Variants in ATP8B1 observed in about 807,000 individuals in gnomAD.
The protein encoded by ATP8B1 is ATPase phospholipid transporting 8B1.
Under a neutral mutation model 149.9 loss-of-function variants are expected in ATP8B1, and 80 were observed. That is an observed-to-expected ratio of 0.53 (90% CI 0.45 to 0.64). ATP8B1 has a LOEUF of 0.64. Ranked by LOEUF, ATP8B1 falls within the 30% of genes least tolerant of loss-of-function variation. The probability of loss-of-function intolerance (pLI) is 0.00; values close to 1 mark genes in which losing one functional copy is unlikely to be tolerated. For missense variants in ATP8B1, 1,247 were observed against 1,552.6 expected, an observed-to-expected ratio of 0.80 and a Z score of 3.31; for synonymous variants, 536 against 562.8, an observed-to-expected ratio of 0.95 and a Z score of 0.67.
chr18:57,795,748 T>C (rs2080509146), intron 1 of ATP8B1, among the ~76,000 whole-genome samples: 1 of 152,144 alleles, frequency 6.6e-6, no homozygotes, highest in South Asian at 2.1e-4. Context: ...TAGTTTCTAT[T>C]TGAGATGATA....
chr18:57,773,141 G>A (rs2080277363), intron 1 of ATP8B1, among the ~76,000 whole-genome samples: 2 of 148,198 alleles, frequency 1.3e-5, no homozygotes, highest in East Asian at 2.0e-4. Flanking sequence ...GGCAGAGGAC[G>A]CAGTGAGCCA....
At chr18:57,692,687 A>G (rs1912602248) in intron 11 of ATP8B1, among the ~76,000 whole-genome samples, 1 of 152,090 alleles carries the variant, frequency 6.6e-6, no homozygotes, top group African/African-American at 2.4e-5. Context: ...TGCATGCCTC[A>G]GTCTCCCAAA....
chr18:57,658,689 A>G lies in ATP8B1; in HGVS notation c.2707+2485T>C, dbSNP rs186814098. Among the ~76,000 whole-genome samples, 1,234 of 149,184 alleles carry G rather than the reference A, an allele frequency of 8.3e-3. 17 individuals carry two copies. The highest frequency in any genetic ancestry group is 0.039 in the Admixed American group (588 of 14,926). Reference sequence around the variant, plus strand: ...TGTGTTCTTTTTTGTTGTTGGAGAAAGGGTCTTGCTCTGTCACCCAGGGTG... The same window carrying G: ...TGTGTTCTTTTTTGTTGTTGGAGAAGGGGTCTTGCTCTGTCACCCAGGGTG... On this transcript the variant is annotated intron_variant, in intron 22 of 27. Transcript: ENST00000648908.
At chr18:57,761,015 CATAAAATAACATAAAATAAAATAAATAAA>C (rs2080146517) in intron 1 of ATP8B1, among the ~76,000 whole-genome samples, 1 of 114,028 alleles carries the variant, frequency 8.8e-6, no homozygotes, top group Non-Finnish European at 1.8e-5. Context: ...AATAAAATAA[CATAAAATAACATAAAATAAAATAAATAAA>C]ATAAAATAAC....
At chr18:57,718,686 A>C (rs904346512) in intron 2 of ATP8B1, among the ~76,000 whole-genome samples, 1 of 152,238 alleles carries the variant, frequency 6.6e-6, no homozygotes, top group Non-Finnish European at 1.5e-5. Context: ...ATCAAGTGGG[A>C]TTTATCCCAG....
intron 2 of ATP8B1, among the ~76,000 whole-genome samples, chr18:57,719,974 C>A (rs1419450384): frequency 6.6e-6 from 1 of 152,028 alleles, no homozygotes; most frequent in Non-Finnish European, 1.5e-5. Flanking sequence ...AGGCACCCCC[C>A]AGCAGGGGCA....
intron 1 of ATP8B1, chr18:57,737,032 G>C (rs2079863916): frequency 6.6e-6 from 1 of 151,824 alleles, no homozygotes; most frequent in African/African-American, 2.4e-5. Context: ...TTTTCTCATT[G>C]CAGCCTCCTG....
At chr18:57,660,094 A>C (rs1013138466) in intron 22 of ATP8B1, among the ~76,000 whole-genome samples, 3 of 152,174 alleles carry the variant, frequency 2.0e-5, no homozygotes, top group African/African-American at 7.2e-5. Flanking sequence ...TAGTTTGAGT[A>C]TTTTTAATAC....
intron 14 of ATP8B1, among the ~76,000 whole-genome samples, chr18:57,684,491 G>A (rs1912136543): frequency 6.6e-6 from 1 of 151,972 alleles, no homozygotes; most frequent in Non-Finnish European, 1.5e-5. Flanking sequence ...ATCCTTCTGA[G>A]TAGATGGGCC....
At chr18:57,649,594 GC>G (rs1022070889) in intron 27 of ATP8B1, among the ~76,000 whole-genome samples, 3 of 151,450 alleles carry the variant, frequency 2.0e-5, no homozygotes, top group East Asian at 1.9e-4. Flanking sequence ...TATTCAGATT[GC>G]CCCCCCCAAC....
chr18:57,654,782 G>C (rs1054060083), intron 23 of ATP8B1, among the ~76,000 whole-genome samples: 1 of 148,602 alleles, frequency 6.7e-6, no homozygotes, highest in Non-Finnish European at 1.5e-5. Flanking sequence ...TGCCTCCCAG[G>C]TTCAAGCGAT....
At chr18:57,754,878 G>A (rs542822588) in intron 1 of ATP8B1, among the ~76,000 whole-genome samples, 1 of 152,158 alleles carries the variant, frequency 6.6e-6, no homozygotes, top group Non-Finnish European at 1.5e-5. Context: ...AGCCTGGGGT[G>A]TATCCATTAC....
chr18:57,772,591 A>AG (rs2080272379), intron 1 of ATP8B1, among the ~76,000 whole-genome samples: 1 of 152,146 alleles, frequency 6.6e-6, no homozygotes, highest in African/African-American at 2.4e-5. Context: ...AAGCAGGGAG[A>AG]GGCCATCTGA....
In ATP8B1 at chr18:57,648,485, G is replaced by A. The variant is rs771193328; in HGVS notation, c.*3C>T. On this transcript the variant is annotated 3_prime_UTR_variant, in exon 28 of 28. Transcript: ENST00000648908. ...GGCCGCATCCCAGCCTGGGGGTAAG[G>A]GATCAGCTGTCCCCGGTGCGCCTGT... The A allele has an allele frequency of 1.9e-6, 3 of 1,611,136 alleles. No individual in the cohort carries two copies. The highest frequency in any genetic ancestry group is 3.3e-5 in the Admixed American group (2 of 60,028).
At chr18:57,718,962 A>G (rs934459980) in intron 2 of ATP8B1, among the ~76,000 whole-genome samples, 11 of 152,226 alleles carry the variant, frequency 7.2e-5, no homozygotes, top group Admixed American at 2.0e-4. Flanking sequence ...TAGATCTGGA[A>G]CATGTCAAGG....
intron 1 of ATP8B1, among the ~76,000 whole-genome samples, chr18:57,781,976 G>A (rs2136443): frequency 0.097 from 14,774 of 152,188 alleles, 818 homozygotes; most frequent in Middle Eastern, 0.25. Flanking sequence ...GCAACAGAGC[G>A]AGAACCCATC....
At chr18:57,713,171 C>A (rs1480026714) in intron 2 of ATP8B1, among the ~76,000 whole-genome samples, 1 of 72,824 alleles carries the variant, frequency 1.4e-5, no homozygotes, top group Non-Finnish European at 2.7e-5. Flanking sequence ...TTCTTTCTTT[C>A]TTTCTTTCTT....
chr18:57,678,237 AATAG>A (rs953668930), intron 15 of ATP8B1, among the ~76,000 whole-genome samples: 2 of 152,180 alleles, frequency 1.3e-5, no homozygotes, highest in Admixed American at 1.3e-4. Context: ...AGACTGCAAA[AATAG>A]ATAGTGGGGA....
chr18:57,681,076 T>C (rs1911943994), intron 15 of ATP8B1, among the ~76,000 whole-genome samples: 1 of 152,128 alleles, frequency 6.6e-6, no homozygotes, highest in South Asian at 2.1e-4. Context: ...TTAAAATAGA[T>C]TATCCAGGTG....
Sources: gnomAD v4.1 joint callset for allele counts (sites outside exome capture counted in the v4.1 genomes callset) on GRCh38, gnomAD v4.1.1 for gene constraint, MANE v1.5 for transcripts, NCBI Gene and HGNC (gene_info 2026-07-23, HGNC 2026-07-21) for gene names.